BANK1: variants seen among roughly 807,000 people sequenced by gnomAD.
BANK1 encodes the protein B-cell scaffold protein with ankyrin repeats.
A neutral mutation model predicts 94.5 loss-of-function variants in BANK1; 95 were observed. The observed-to-expected ratio is 1.00, with a 90% CI of 0.85 to 1.19. BANK1 has a LOEUF of 1.19. Among genes scored for constraint, BANK1 ranks in the 50% most tolerant of loss-of-function variants. The pLI is 0.00. For synonymous variants in BANK1, 334 were observed against 308.4 expected, an observed-to-expected ratio of 1.08 and a Z score of -0.87; for missense variants, 987 against 932.2, an observed-to-expected ratio of 1.06 and a Z score of -0.77.
chr4:101,948,609 G>T (rs1296344269), intron 7 of BANK1, among the ~76,000 whole-genome samples: 1 of 151,918 alleles, frequency 6.6e-6, no homozygotes, highest in Non-Finnish European at 1.5e-5. Flanking sequence ...ATCTAAAATG[G>T]CATTTCAAAA....
chr4:101,987,104 G>A (rs1345844238), intron 7 of BANK1, among the ~76,000 whole-genome samples: 4 of 151,262 alleles, frequency 2.6e-5, no homozygotes, highest in Non-Finnish European at 5.9e-5. Flanking sequence ...GCTTCCTGAT[G>A]TTTAGTATAC....
rs1458280367 is a variant in BANK1 at position 102,025,336 on chromosome 4, A to G, written c.1421A>G (p.Glu474Gly). The change falls in exon 9 of 17, where the codon GAG becomes GGG. Residue 474 changes from glutamate (E) to glycine (G), a missense_variant. Coordinates refer to ENST00000322953, the MANE Select transcript of BANK1 (RefSeq NM_017935.5). The stretch of plus-strand genomic sequence containing the variant: ...ATGGAGACCAAACACAGCCCACTAG[A>G]GGTTGGCAGTGAGAGTTCTGAAGAC... ...SGMETKHSPL[E>G]VGSESSEDQY... is the part of the protein sequence containing the mutation. 1 of 1,614,124 alleles carries G rather than the reference A, an allele frequency of 6.2e-7. No individual in the cohort carries two copies. Among genetic ancestry groups the G allele is most frequent in the Middle Eastern group, 1.6e-4 (1 of 6,062 alleles).
chr4:101,900,345 T>C (rs1381848547), intron 6 of BANK1, among the ~76,000 whole-genome samples: 1 of 152,154 alleles, frequency 6.6e-6, no homozygotes, highest in South Asian at 2.1e-4. Flanking sequence ...AGAAGATAGT[T>C]AGGAAGTGAT....
chr4:101,802,065 A>G (rs1481520498), intron 1 of BANK1, among the ~76,000 whole-genome samples: 3 of 152,194 alleles, frequency 2.0e-5, no homozygotes, highest in Non-Finnish European at 4.4e-5. Context: ...GCAGGAAAAC[A>G]AAAATGCCTG....
intron 6 of BANK1, among the ~76,000 whole-genome samples, chr4:101,903,914 T>C (rs528725683): frequency 6.6e-6 from 1 of 152,302 alleles, no homozygotes; most frequent in South Asian, 2.1e-4. Context: ...ATTTTGCAAG[T>C]GACCAAAACA....
chr4:102,007,882 A>T (rs1407987543), intron 7 of BANK1, among the ~76,000 whole-genome samples: 1 of 152,174 alleles, frequency 6.6e-6, no homozygotes, highest in African/African-American at 2.4e-5. Flanking sequence ...TTTCTCCATT[A>T]TTCAAACTCT....
intron 2 of BANK1, among the ~76,000 whole-genome samples, chr4:101,848,959 C>CTAA (rs1435505910): frequency 6.6e-6 from 1 of 152,166 alleles, no homozygotes; most frequent in African/African-American, 2.4e-5. Flanking sequence ...ATAGGCTTAT[C>CTAA]CCCTTATCTG....
At chr4:102,020,379 T>C (rs1051191913) in intron 7 of BANK1, among the ~76,000 whole-genome samples, 5 of 152,052 alleles carry the variant, frequency 3.3e-5, no homozygotes, top group Non-Finnish European at 7.4e-5. Context: ...ATATTAGAAT[T>C]TAGTGGAGTC....
rs1727232566 is a variant in BANK1 at position 102,029,973 on chromosome 4, AG to A, written c.1610del (p.Gly537AlafsTer54). ...TTTCATAAACAGGGACAATGGTGGA[AG>A]GCCAAATGGAAAGAAGTCAAAACTG... ...HFTLPGTMVE[G>X]QMERSQNWGH... On this transcript the variant is annotated frameshift_variant, in exon 10 of 17. Transcript: ENST00000322953. LOFTEE classifies it high-confidence loss of function. 6.2e-7 allele frequency: 1 copy of A among 1,605,066 alleles called. No individual in the cohort carries two copies. The highest frequency in any genetic ancestry group is 8.5e-7 in the Non-Finnish European group (1 of 1,177,374).
intron 6 of BANK1, among the ~76,000 whole-genome samples, chr4:101,898,639 G>T (rs1418010854): frequency 6.6e-6 from 1 of 151,968 alleles, no homozygotes; most frequent in Non-Finnish European, 1.5e-5. Flanking sequence ...AGATACCTAT[G>T]GTTCTTTAAA....
intron 8 of BANK1, among the ~76,000 whole-genome samples, chr4:102,023,571 G>A (rs747064441): frequency 3.9e-5 from 6 of 152,172 alleles, no homozygotes; most frequent in Non-Finnish European, 5.9e-5. Flanking sequence ...ATGAGTGAGA[G>A]GGTGAAGCAC....
At chr4:102,038,743 G>A (rs75035308) in intron 10 of BANK1, among the ~76,000 whole-genome samples, 4,260 of 152,172 alleles carry the variant, frequency 0.028, 71 homozygotes, top group Non-Finnish European at 0.038. Context: ...TGTTTGTATC[G>A]AAAGATGACA....
chr4:101,986,899 G>GTGTGTGTGTGTGTATATATA (rs1343197093), intron 7 of BANK1, among the ~76,000 whole-genome samples: 21 of 82,656 alleles, frequency 2.5e-4, no homozygotes, highest in African/African-American at 1.2e-3. Flanking sequence ...GTGTGTGTGT[G>GTGTGTGTGTGTGTATATATA]TATATATATA....
intron 4 of BANK1, 26 bp from the exon 5 acceptor site, chr4:101,870,479 C>T (rs565508592): frequency 6.2e-7 from 1 of 1,602,602 alleles, no homozygotes; most frequent in East Asian, 2.2e-5. Context: ...ATACTCTGCC[C>T]CTAACCCTTG....
intron 6 of BANK1, among the ~76,000 whole-genome samples, chr4:101,896,605 A>C (rs1231161358): frequency 6.6e-6 from 1 of 151,956 alleles, no homozygotes; most frequent in Non-Finnish European, 1.5e-5. Context: ...CATTTTTAAC[A>C]ATATGTAATT....
At chr4:101,881,494 G>A (rs1728675208) in intron 5 of BANK1, among the ~76,000 whole-genome samples, 1 of 152,096 alleles carries the variant, frequency 6.6e-6, no homozygotes. Flanking sequence ...AACCACTATG[G>A]AGAATAGTTT....
At chr4:101,850,572 C>T (rs1023548272) in intron 2 of BANK1, among the ~76,000 whole-genome samples, 7 of 152,066 alleles carry the variant, frequency 4.6e-5, no homozygotes, top group African/African-American at 7.2e-5. Flanking sequence ...CATAAGCCAC[C>T]GTGCCCGGCC....
chr4:101,916,181 C>G (rs147030886), intron 6 of BANK1, among the ~76,000 whole-genome samples: 1 of 151,942 alleles, frequency 6.6e-6, no homozygotes, highest in African/African-American at 2.4e-5. Flanking sequence ...GACCCCCAAC[C>G]CTTTCATTTC....
intron 7 of BANK1, among the ~76,000 whole-genome samples, chr4:102,015,636 A>AGAC (rs1726672005): frequency 6.6e-6 from 1 of 152,188 alleles, no homozygotes; most frequent in African/African-American, 2.4e-5. Flanking sequence ...GTTGTAAACA[A>AGAC]TAGTACTGGT....
Sources: gnomAD v4.1 joint callset for allele counts (sites outside exome capture counted in the v4.1 genomes callset) on GRCh38, gnomAD v4.1.1 for gene constraint, MANE v1.5 for transcripts, NCBI Gene and HGNC (gene_info 2026-07-23, HGNC 2026-07-21) for gene names.